PRRX1: variants seen among roughly 807,000 people sequenced by gnomAD.
PRRX1 encodes paired mesoderm homeobox protein 1.
A neutral mutation model predicts 24.0 loss-of-function variants in PRRX1; 8 were observed. The observed-to-expected ratio is 0.33, with a 90% CI of 0.20 to 0.60. The LOEUF is 0.60. PRRX1 is among the 20% of genes least tolerant of loss of function. PRRX1 has a pLI of 0.82. For missense variants in PRRX1, 281 were observed against 322.4 expected, an observed-to-expected ratio of 0.87 and a Z score of 0.98; for synonymous variants, 160 against 131.7, an observed-to-expected ratio of 1.22 and a Z score of -1.47.
intron 1 of PRRX1, among the ~76,000 whole-genome samples, chr1:170,683,578 G>A (rs1407411826): frequency 6.6e-6 from 1 of 152,148 alleles, no homozygotes; most frequent in Non-Finnish European, 1.5e-5. Flanking sequence ...GGAGTGGTTG[G>A]TTGTGTGCAG....
At chr1:170,720,471 G>C (rs1252065640) in intron 2 of PRRX1, among the ~76,000 whole-genome samples, 1 of 152,110 alleles carries the variant, frequency 6.6e-6, no homozygotes, top group Non-Finnish European at 1.5e-5. Context: ...CCTTGCTACA[G>C]GTTCCTCTCC....
chr1:170,681,490 T>G (rs1352671638), intron 1 of PRRX1, among the ~76,000 whole-genome samples: 2 of 118,436 alleles, frequency 1.7e-5, no homozygotes, highest in Non-Finnish European at 3.4e-5. Flanking sequence ...AAATGTTATC[T>G]TTGCAAAAAA....
intron 1 of PRRX1, among the ~76,000 whole-genome samples, chr1:170,709,520 A>C (rs1318588641): frequency 6.6e-6 from 1 of 152,164 alleles, no homozygotes; most frequent in Non-Finnish European, 1.5e-5. Flanking sequence ...TCTCTTTGGT[A>C]TATCTGTCCT....
chr1:170,720,037 G>C (rs1655030964), intron 2 of PRRX1, 136 bp downstream of exon 2: 1 of 1,180,030 alleles, frequency 8.5e-7, no homozygotes. Context: ...GGAGGTTGAG[G>C]CAGGCACATT....
intron 3 of PRRX1, chr1:170,730,274 T>C (rs1371992054): frequency 6.2e-7 from 1 of 1,607,452 alleles, no homozygotes; most frequent in East Asian, 2.2e-5. Context: ...CTTTCAAAAA[T>C]AGATCCTCGT....
chr1:170,664,972 C>T (rs1652866598), intron 1 of PRRX1, among the ~76,000 whole-genome samples: 1 of 152,252 alleles, frequency 6.6e-6, no homozygotes, highest in Non-Finnish European at 1.5e-5. Context: ...AGGCTGCACT[C>T]TCCACGCGGG....
chr1:170,715,552 G>A (rs187094446), intron 1 of PRRX1, among the ~76,000 whole-genome samples: 1 of 152,320 alleles, frequency 6.6e-6, no homozygotes, highest in East Asian at 1.9e-4. Context: ...GATTTGAGAT[G>A]TGTTTTAGGA....
chr1:170,707,409 TA>T lies in PRRX1; in HGVS notation c.242-12306del, dbSNP rs576149054. Among the ~76,000 whole-genome samples, 86 of 147,660 alleles carry T rather than the reference TA, an allele frequency of 5.8e-4. 1 individual carries two copies. The highest frequency in any genetic ancestry group is 4.9e-3 in the East Asian group (25 of 5,086). On this transcript the variant is annotated intron_variant, in intron 1 of 3. Coordinates refer to ENST00000239461, the MANE Select transcript of PRRX1 (RefSeq NM_022716.4). ...CCTTTTAACTCTCTTGTTGGCCAGA[TA>T]AAAAAAAAAATTAAAATGTAGCTTA... is the stretch of plus-strand genomic sequence containing the variant.
At chr1:170,726,974 G>C (rs949083029) in intron 3 of PRRX1, 1 of 152,576 alleles carries the variant, frequency 6.6e-6, no homozygotes, top group African/African-American at 2.4e-5. Flanking sequence ...TCACTTTCAT[G>C]GCCAAGGTTC....
intron 2 of PRRX1, among the ~76,000 whole-genome samples, chr1:170,720,127 A>G (rs773230696): frequency 6.6e-6 from 1 of 151,972 alleles, no homozygotes; most frequent in Non-Finnish European, 1.5e-5. Context: ...ATAAATAAAT[A>G]AACAGCCAGG....
chr1:170,690,278 G>T (rs1432244240), intron 1 of PRRX1, among the ~76,000 whole-genome samples: 1 of 152,068 alleles, frequency 6.6e-6, no homozygotes, highest in African/African-American at 2.4e-5. Flanking sequence ...TCAGCTGCAT[G>T]TTATGGCTTC....
At chr1:170,683,592 G>A (rs1012787031) in intron 1 of PRRX1, among the ~76,000 whole-genome samples, 4 of 152,080 alleles carry the variant, frequency 2.6e-5, no homozygotes, top group Non-Finnish European at 4.4e-5. Flanking sequence ...TGTGCAGTGG[G>A]GTATGAAATA....
intron 2 of PRRX1, among the ~76,000 whole-genome samples, chr1:170,724,143 T>C (rs1456496597): frequency 2.0e-5 from 3 of 152,234 alleles, no homozygotes; most frequent in African/African-American, 7.2e-5. Flanking sequence ...TTGTTTGTTT[T>C]TTTCTTATAA....
At chr1:170,706,597 T>C (rs569423356) in intron 1 of PRRX1, among the ~76,000 whole-genome samples, 1 of 152,290 alleles carries the variant, frequency 6.6e-6, no homozygotes, top group South Asian at 2.1e-4. Context: ...CTCATACATT[T>C]CTATGAAAAA....
intron 2 of PRRX1, among the ~76,000 whole-genome samples, chr1:170,720,515 A>C (rs1226634784): frequency 6.6e-6 from 1 of 152,114 alleles, no homozygotes; most frequent in Non-Finnish European, 1.5e-5. Flanking sequence ...TTCCAGATTT[A>C]TGTGATATAC....
intron 1 of PRRX1, among the ~76,000 whole-genome samples, chr1:170,671,342 T>G (rs1355260355): frequency 6.6e-6 from 1 of 152,210 alleles, no homozygotes; most frequent in Admixed American, 6.5e-5. Context: ...ATTTTAACGT[T>G]GAAAACAGAG....
chr1:170,705,931 C>G (rs993456012), intron 1 of PRRX1, among the ~76,000 whole-genome samples: 1 of 106,302 alleles, frequency 9.4e-6, no homozygotes, highest in Non-Finnish European at 1.8e-5. Context: ...CACACACACA[C>G]ACATACACAC....
intron 1 of PRRX1, among the ~76,000 whole-genome samples, chr1:170,697,168 C>G (rs1043856312): frequency 6.6e-6 from 1 of 152,032 alleles, no homozygotes; most frequent in African/African-American, 2.4e-5. Context: ...CAGGAGACAG[C>G]CAGGAGAAAT....
intron 3 of PRRX1, among the ~76,000 whole-genome samples, chr1:170,734,289 C>G (rs914771326): frequency 6.7e-6 from 1 of 148,980 alleles, no homozygotes; most frequent in Non-Finnish European, 1.5e-5. Context: ...TGACATCGAG[C>G]AGGAATCAAT....
Sources: allele counts gnomAD v4.1 joint callset (sites outside exome capture counted in the v4.1 genomes callset), GRCh38; gene constraint gnomAD v4.1.1; transcripts MANE v1.5; gene names NCBI Gene and HGNC (gene_info 2026-07-23, HGNC 2026-07-21).